ARHGAP24: variants seen among roughly 807,000 people sequenced by gnomAD.
ARHGAP24 encodes rho GTPase-activating protein 24.
Under a neutral mutation model 76.4 loss-of-function variants are expected in ARHGAP24, and 50 were observed. The ratio of observed to expected loss-of-function variants is 0.65; its 90% CI spans 0.52 to 0.83. The LOEUF (loss-of-function observed/expected upper bound fraction) is 0.83, where lower values mean the gene tolerates loss of function less well. Ranked by LOEUF, ARHGAP24 falls within the 40% of genes least tolerant of loss-of-function variation. ARHGAP24 has a pLI of 0.00. For missense variants in ARHGAP24, 930 were observed against 914.2 expected (o/e 1.02, Z -0.22); for synonymous variants, 345 against 323.3 (o/e 1.07, Z -0.72).
At chr4:85,938,231 G>T (rs1015444669) in intron 4 of ARHGAP24, among the ~76,000 whole-genome samples, 1 of 152,162 alleles carries the variant, frequency 6.6e-6, no homozygotes, top group African/African-American at 2.4e-5. Flanking sequence ...GGGAGGGGAG[G>T]TAGGCATGGT....
intron 5 of ARHGAP24, among the ~76,000 whole-genome samples, chr4:85,953,570 C>T (rs1485755011): frequency 6.6e-6 from 1 of 152,028 alleles, no homozygotes; most frequent in Non-Finnish European, 1.5e-5. Context: ...ACCCAGACCC[C>T]ACTTGCTCTC....
chr4:85,992,091 A>G, intron 8 of ARHGAP24: 1 of 397,142 alleles, frequency 2.5e-6, no homozygotes, highest in Non-Finnish European at 4.4e-6. Flanking sequence ...ATCTGCTTGG[A>G]CTCTTCAGAA....
intron 2 of ARHGAP24, among the ~76,000 whole-genome samples, chr4:85,683,120 G>GGC: frequency 2.7e-5 from 3 of 111,762 alleles, no homozygotes; most frequent in African/African-American, 1.1e-4. Context: ...GGGGGGGTGG[G>GGC]GGGGGGGTGC....
intron 3 of ARHGAP24, among the ~76,000 whole-genome samples, chr4:85,800,021 T>C (rs1455199763): frequency 1.3e-5 from 2 of 152,126 alleles, no homozygotes; most frequent in African/African-American, 4.8e-5. Flanking sequence ...AAAAACTAAA[T>C]GCAGCATGAG....
chr4:85,968,961 T>C (rs563366815), intron 5 of ARHGAP24, among the ~76,000 whole-genome samples: 49 of 152,294 alleles, frequency 3.2e-4, no homozygotes, highest in African/African-American at 1.1e-3. Context: ...ACTATAATGC[T>C]AGAAAGCTCT....
chr4:85,494,316 T>C lies in ARHGAP24; in HGVS notation c.-21+18757T>C, dbSNP rs967291655. On this transcript the variant is annotated intron_variant, in intron 1 of 9. Coordinates refer to ENST00000395184, the MANE Select transcript of ARHGAP24 (RefSeq NM_001025616.3). ...CAACATCGTGTGTGTGGTTCCCCTC[T>C]CTGTGTCCATGTGTTCTCATTGTTC... Among the ~76,000 whole-genome samples, 4 of 152,168 alleles carry C rather than the reference T, an allele frequency of 2.6e-5. No individual in the cohort carries two copies. The South Asian group carries it at 8.3e-4, about 32-fold the overall frequency.
intron 2 of ARHGAP24, among the ~76,000 whole-genome samples, chr4:85,685,116 A>G (rs1723370100): frequency 6.6e-6 from 1 of 152,180 alleles, no homozygotes; most frequent in Admixed American, 6.5e-5. Context: ...TTTTAAGCTT[A>G]TCTTTTTCTA....
At position 85,570,578 on chromosome 4, in the gene ARHGAP24, C is replaced by A; in HGVS notation, c.37C>A (p.Gln13Lys). 6.2e-7 allele frequency: 1 copy of A among 1,614,050 alleles called. No homozygotes were observed. Among genetic ancestry groups the A allele is most frequent in the Non-Finnish European group, 8.5e-7 (1 of 1,180,012 alleles). The change falls in exon 2 of 10, where the codon CAA becomes AAA. Residue 13 changes from glutamine to lysine, a missense_variant. Physicochemically the swap from Gln to Lys is moderately conservative, Grantham distance 53. Transcript: ENST00000395184. ...CAATGACTCCACGGAGAACCCCCAACAAGGCCAAGGGCGGCAGAATGCCAT... is the reference window on the plus strand; with the variant it reads ...CAATGACTCCACGGAGAACCCCCAAAAAGGCCAAGGGCGGCAGAATGCCAT... Reference protein sequence around the residue: ...ENNDSTENPQQGQGRQNAIKC... With the variant: ...ENNDSTENPQKGQGRQNAIKC...
intron 1 of ARHGAP24, among the ~76,000 whole-genome samples, chr4:85,515,371 C>CTT (rs34451820): frequency 0.019 from 2,753 of 142,638 alleles, 87 homozygotes; most frequent in African/African-American, 0.062. Context: ...TGCAGGTAAT[C>CTT]TTTTTTTTTT....
chr4:85,977,000 C>A (rs1231268503), intron 7 of ARHGAP24, among the ~76,000 whole-genome samples: 2 of 151,998 alleles, frequency 1.3e-5, no homozygotes, highest in African/African-American at 4.8e-5. Context: ...GTTGGCCAGG[C>A]TGGTCTCAAA....
chr4:85,723,449 T>C (rs1725034892), intron 3 of ARHGAP24: 1 of 152,194 alleles, frequency 6.6e-6, no homozygotes, highest in Admixed American at 6.5e-5. Context: ...CTATTCTAAA[T>C]CATCTGTTTC....
rs77299826 is a variant in ARHGAP24 at position 85,693,710 on chromosome 4, G to A, written c.181-28175G>A. Among the ~76,000 whole-genome samples the A allele has an allele frequency of 4.0e-3, 605 of 152,346 alleles. 8 individuals carry two copies. The highest frequency in any genetic ancestry group is 0.031 in the East Asian group (161 of 5,180). On this transcript the variant is annotated intron_variant, in intron 2 of 9. Coordinates refer to ENST00000395184, the MANE Select transcript of ARHGAP24 (RefSeq NM_001025616.3). ...GTAGCCAGGCAAGGGCCCTGGGAGA[G>A]GCTGGCGAGCAGGAGGGCCTGCAGA...
chr4:85,891,324 C>G (rs1376864244), intron 3 of ARHGAP24, among the ~76,000 whole-genome samples: 1 of 145,882 alleles, frequency 6.9e-6, no homozygotes, highest in Non-Finnish European at 1.5e-5. Context: ...ATTTGACTTC[C>G]TCTTTTCCTA....
At chr4:85,922,951 G>T (rs1241211267) in intron 3 of ARHGAP24, among the ~76,000 whole-genome samples, 1 of 152,206 alleles carries the variant, frequency 6.6e-6, no homozygotes, top group Non-Finnish European at 1.5e-5. Context: ...TCAAGATTTT[G>T]CACAGAGGCA....
intron 3 of ARHGAP24, among the ~76,000 whole-genome samples, chr4:85,795,387 A>G (rs922877863): frequency 6.6e-6 from 1 of 152,138 alleles, no homozygotes; most frequent in Non-Finnish European, 1.5e-5. Context: ...AATAGAGTTG[A>G]CACCCTGCTT....
At chr4:85,957,781 G>A (rs756277754) in intron 5 of ARHGAP24, among the ~76,000 whole-genome samples, 3 of 152,098 alleles carry the variant, frequency 2.0e-5, no homozygotes, top group Non-Finnish European at 2.9e-5. Flanking sequence ...AGGCTTTAAG[G>A]AAAAATATCT....
intron 3 of ARHGAP24, among the ~76,000 whole-genome samples, chr4:85,812,404 T>C (rs1463472482): frequency 6.6e-6 from 1 of 152,134 alleles, no homozygotes; most frequent in Non-Finnish European, 1.5e-5. Context: ...TCTTGAGCTT[T>C]TAAGATTATT....
intron 1 of ARHGAP24, among the ~76,000 whole-genome samples, chr4:85,524,057 G>C (rs956119327): frequency 1.1e-4 from 17 of 152,106 alleles, no homozygotes; most frequent in Admixed American, 3.9e-4. Context: ...TATCTAGGTA[G>C]TGTTTGGGAG....
At chr4:85,863,475 G>C (rs774728080) in intron 3 of ARHGAP24, among the ~76,000 whole-genome samples, 1 of 151,956 alleles carries the variant, frequency 6.6e-6, no homozygotes, top group African/African-American at 2.4e-5. Flanking sequence ...GAAGTCAAAG[G>C]CAAGGTCTAC....
Sources: gnomAD v4.1 joint callset for allele counts (sites outside exome capture counted in the v4.1 genomes callset) on GRCh38, gnomAD v4.1.1 for gene constraint, MANE v1.5 for transcripts, NCBI Gene and HGNC (gene_info 2026-07-23, HGNC 2026-07-21) for gene names.